Variants in SYT9 observed in about 807,000 individuals in gnomAD.
SYT9 encodes the protein synaptotagmin-9.
SYT9 carries 22 observed loss-of-function variants against 48.4 expected under a neutral mutation model. The ratio of observed to expected loss-of-function variants is 0.45; its 90% confidence interval spans 0.32 to 0.65. The LOEUF (loss-of-function observed/expected upper bound fraction) is 0.65. Ranked by LOEUF, SYT9 falls within the 30% of genes least tolerant of loss-of-function variation. SYT9 has a pLI of 0.03. For synonymous variants in SYT9, 265 were observed against 245.0 expected (o/e 1.08, Z -0.76); for missense variants, 577 against 622.0 (o/e 0.93, Z 0.77).
chr11:7,266,529 G>A (rs531244813), intron 1 of SYT9, among the ~76,000 whole-genome samples: 9 of 152,236 alleles, frequency 5.9e-5, no homozygotes, highest in Non-Finnish European at 1.2e-4. Flanking sequence ...CACAGGTTCA[G>A]TTAGAGAGGA....
At chr11:7,286,872 T>C (rs1848605175) in intron 1 of SYT9, among the ~76,000 whole-genome samples, 1 of 152,184 alleles carries the variant, frequency 6.6e-6, no homozygotes, top group Non-Finnish European at 1.5e-5. Context: ...CTATCAGCAT[T>C]TTGGTCAAAA....
chr11:7,291,821 G>A lies in SYT9; in HGVS notation c.146-11218G>A, dbSNP rs567387984. ...GTTCTGCTCTCTAAACACATGCATG[G>A]CCATGTGTTTAAGGATCAAGGCCTT... is the stretch of plus-strand genomic sequence containing the variant. On this transcript the variant is annotated intron_variant, in intron 1 of 6. Transcript: ENST00000318881. Among the ~76,000 whole-genome samples the A allele has an allele frequency of 1.8e-3, 274 of 152,236 alleles. 1 individual carries two copies. The highest frequency in any genetic ancestry group is 6.5e-3 in the African/African-American group (268 of 41,540).
intron 1 of SYT9, among the ~76,000 whole-genome samples, chr11:7,245,279 T>C (rs1448794175): frequency 6.6e-6 from 1 of 152,202 alleles, no homozygotes; most frequent in Non-Finnish European, 1.5e-5. Flanking sequence ...CAGGATTAAA[T>C]GCAACAACAT....
intron 6 of SYT9, among the ~76,000 whole-genome samples, chr11:7,466,235 C>T (rs4635059): frequency 0.22 from 32,741 of 151,958 alleles, 4,602 homozygotes; most frequent in African/African-American, 0.41. Context: ...AATCAGAATG[C>T]TCTCTATAGA....
intron 6 of SYT9, chr11:7,457,840 A>T (rs1004994601): frequency 6.6e-6 from 1 of 152,250 alleles, no homozygotes; most frequent in Non-Finnish European, 1.5e-5. Flanking sequence ...CATTTCCTCC[A>T]GAAAGCACAG....
At chr11:7,334,118 G>A (rs1849592215) in intron 3 of SYT9, among the ~76,000 whole-genome samples, 1 of 152,196 alleles carries the variant, frequency 6.6e-6, no homozygotes. Context: ...GAACAGGAAT[G>A]TGGAAAGGCC....
intron 1 of SYT9, among the ~76,000 whole-genome samples, chr11:7,270,038 G>C (rs1379389425): frequency 6.6e-6 from 1 of 152,142 alleles, no homozygotes. Flanking sequence ...AACAATGAAT[G>C]ATAGAGAATT....
At chr11:7,371,974 C>T (rs973561969) in intron 3 of SYT9, among the ~76,000 whole-genome samples, 2 of 152,042 alleles carry the variant, frequency 1.3e-5, no homozygotes, top group Non-Finnish European at 2.9e-5. Context: ...TATGATGATT[C>T]TTGTATAAGT....
At chr11:7,433,665 T>C (rs1847651418) in intron 6 of SYT9, among the ~76,000 whole-genome samples, 1 of 152,136 alleles carries the variant, frequency 6.6e-6, no homozygotes, top group Non-Finnish European at 1.5e-5. Flanking sequence ...AGTGCCCTTA[T>C]AAAAGAGGCC....
intron 3 of SYT9, among the ~76,000 whole-genome samples, chr11:7,328,260 G>A (rs1189967748): frequency 1.3e-5 from 2 of 151,620 alleles, no homozygotes; most frequent in Admixed American, 1.3e-4. Context: ...TAACAAGTGA[G>A]ATTAGTATAT....
intron 6 of SYT9, among the ~76,000 whole-genome samples, chr11:7,431,903 A>C (rs57875295): frequency 0.37 from 56,716 of 152,150 alleles, 10,753 homozygotes; most frequent in Middle Eastern, 0.47. Context: ...AGTGCCCAGG[A>C]AGAAGCCTGC....
chr11:7,331,775 A>AACG, intron 3 of SYT9, among the ~76,000 whole-genome samples: 1 of 152,012 alleles, frequency 6.6e-6, no homozygotes, highest in African/African-American at 2.4e-5. Context: ...CCCTCTATAT[A>AACG]TGCACCCGGA....
chr11:7,258,193 C>T (rs374349287), intron 1 of SYT9, among the ~76,000 whole-genome samples: 1 of 152,146 alleles, frequency 6.6e-6, no homozygotes, highest in East Asian at 1.9e-4. Context: ...CTTGAGGGAA[C>T]TAACAAGTTC....
chr11:7,417,831 A>C, intron 4 of SYT9, 126 bp from the exon 5 acceptor site: 1 of 900,726 alleles, frequency 1.1e-6, no homozygotes, highest in Middle Eastern at 2.8e-4. Flanking sequence ...CAGTCCTCCA[A>C]CTCCAGTCCA....
At chr11:7,340,782 T>A (rs1849699508) in intron 3 of SYT9, among the ~76,000 whole-genome samples, 1 of 152,178 alleles carries the variant, frequency 6.6e-6, no homozygotes, top group African/African-American at 2.4e-5. Context: ...TCCCAGGCAA[T>A]TGCAGAGCTA....
At chr11:7,453,544 G>T (rs778593297) in intron 6 of SYT9, among the ~76,000 whole-genome samples, 94 of 152,198 alleles carry the variant, frequency 6.2e-4, no homozygotes, top group Non-Finnish European at 1.0e-3. Flanking sequence ...AGGGAGACAG[G>T]CAAATTGCAT....
chr11:7,309,714 A>G (rs959306360), intron 2 of SYT9, among the ~76,000 whole-genome samples: 3 of 151,348 alleles, frequency 2.0e-5, no homozygotes, highest in Admixed American at 6.6e-5. Context: ...CATTTCCTCC[A>G]CCCCCTCTTC....
At chr11:7,347,002 G>T (rs1382737244) in intron 3 of SYT9, among the ~76,000 whole-genome samples, 1 of 152,192 alleles carries the variant, frequency 6.6e-6, no homozygotes, top group Non-Finnish European at 1.5e-5. Context: ...CTGCAGGTGG[G>T]TGGGGCCCCT....
chr11:7,324,555 C>CT (rs1849393900), intron 3 of SYT9, among the ~76,000 whole-genome samples: 2 of 151,702 alleles, frequency 1.3e-5, no homozygotes, highest in Admixed American at 1.3e-4. Flanking sequence ...TGAAGTAGTG[C>CT]TTTAGCTTTA....
Sources: allele counts gnomAD v4.1 joint callset (sites outside exome capture counted in the v4.1 genomes callset), GRCh38; gene constraint gnomAD v4.1.1; transcripts MANE v1.5; gene names NCBI Gene and HGNC (gene_info 2026-07-23, HGNC 2026-07-21).